FATE1: variants seen among roughly 807,000 people sequenced by gnomAD.
FATE1 encodes fetal and adult testis expressed 1.
In FATE1, 18 loss-of-function variants were observed where a neutral mutation model predicts 16.0. The observed-to-expected ratio is 1.12, with a 90% CI of 0.78 to 1.66. The LOEUF (loss-of-function observed/expected upper bound fraction) is 1.66. Among genes scored for constraint, FATE1 ranks in the 40% most tolerant of loss-of-function variants. The pLI, the probability that FATE1 is intolerant of heterozygous loss-of-function variation, is 0.00. For missense variants in FATE1, 169 were observed against 152.7 expected (o/e 1.11, Z -0.56); for synonymous variants, 76 against 56.9 (o/e 1.34, Z -1.51).
chrX:151,722,543 C>G, intron 4 of FATE1, 85 bp from the exon 5 acceptor site: 1 of 1,182,182 alleles, frequency 8.5e-7, no homozygotes, highest in Non-Finnish European at 1.1e-6. Context: ...CCTTCTTGCT[C>G]TAACTTTATG....
chrX:151,717,817 G>A (rs1407655773), intron 2 of FATE1, among the ~76,000 whole-genome samples: 1 of 111,406 alleles, frequency 9.0e-6, no homozygotes, highest in Non-Finnish European at 1.9e-5. Flanking sequence ...CTGGCATGGT[G>A]GCTCATGCCT....
Position 151,721,467 on chromosome X carries a change from G to A in FATE1, c.307G>A (p.Gly103Ser), listed in dbSNP as rs2015115299. The change falls in exon 3 of 5, where the codon GGC becomes AGC. Residue 103 changes from glycine to serine, a missense_variant. Gly to Ser is a moderately conservative substitution (Grantham distance 56). Coordinates refer to ENST00000370350, the MANE Select transcript of FATE1 (RefSeq NM_033085.3). ...GGATGCCCATCTCCAGGAGTACGCT[G>A]GCAATTTCCAAGGCATACGTTTCCA... ...HGDAHLQEYAGNFQGIRFHYD... is the reference protein window; with the variant it reads ...HGDAHLQEYASNFQGIRFHYD... 1 of 1,211,963 alleles carries A rather than the reference G, an allele frequency of 8.3e-7. No individual in the cohort carries two copies. Among genetic ancestry groups the A allele is most frequent in the East Asian group, 3.0e-5 (1 of 33,829 alleles).
rs1332178410 is a variant in FATE1, at chrX:151,721,998, T to C, written c.420+17T>C. ...AGAAGACAGGTGAGGAGGGACCCAA[T>C]CGGTGGGTGCAAGCAGAATCACAGT... On this transcript the variant is annotated intron_variant, in intron 4 of 4. Transcript: ENST00000370350. The C allele has an allele frequency of 1.7e-6, 2 of 1,194,643 alleles. No individual in the cohort carries two copies. The highest frequency in any genetic ancestry group is 2.3e-6 in the Non-Finnish European group (2 of 881,595).
At chrX:151,718,237 A>AAGAG (rs1184948675) in intron 2 of FATE1, among the ~76,000 whole-genome samples, 102 of 110,620 alleles carry the variant, frequency 9.2e-4, no homozygotes, top group African/African-American at 2.9e-3. Flanking sequence ...GAAAGAAAGA[A>AAGAG]AGAGAGAAAG....
At chrX:151,720,587 T>G (rs1191350505) in intron 2 of FATE1, among the ~76,000 whole-genome samples, 1 of 112,001 alleles carries the variant, frequency 8.9e-6, no homozygotes, top group African/African-American at 3.2e-5. Flanking sequence ...TGTTTCAGTT[T>G]CCCCTACTTT....
At chrX:151,718,875 G>A (rs2015090179) in intron 2 of FATE1, among the ~76,000 whole-genome samples, 1 of 112,286 alleles carries the variant, frequency 8.9e-6, no homozygotes, top group African/African-American at 3.2e-5. Context: ...GAGGGAGGGA[G>A]ACTCGATTGC....
At chrX:151,717,104 C>T (rs3810714) in intron 1 of FATE1, among the ~76,000 whole-genome samples, 168 bp from the exon 2 acceptor site, 11,968 of 110,980 alleles carry the variant, frequency 0.11, 517 homozygotes, top group Middle Eastern at 0.2. Flanking sequence ...AACTTTTGAA[C>T]AGATGAACAA....
chrX:151,717,356 C>T lies in FATE1; in HGVS notation c.191C>T (p.Ala64Val). ...LEQKAAGSAS[A>V]KRVWNMTATR... is the part of the protein sequence containing the mutation. ...CAAAAAGCTGCTGGCTCTGCTTCAG[C>T]CAAACGAGTTTGGAATATGACTGCC... Residue 64 changes from alanine to valine, a missense_variant, in exon 2 of 5, where the codon GCC becomes GTC. Coordinates refer to ENST00000370350, the MANE Select transcript of FATE1 (RefSeq NM_033085.3). The T allele has an allele frequency of 8.3e-7, 1 of 1,207,433 alleles. No individual in the cohort carries two copies. Among genetic ancestry groups the T allele is most frequent in the Non-Finnish European group, 1.1e-6 (1 of 892,963 alleles).
In FATE1 at chrX:151,716,043, T is replaced by C. The variant is rs185334505; in HGVS notation, c.-77T>C. On this transcript the variant is annotated 5_prime_UTR_variant, in exon 1 of 5. Transcript: ENST00000370350. The stretch of plus-strand genomic sequence containing the variant: ...GAGCTCCTGTTTCCGGAAGAGGTGA[T>C]TTTCTGAGTGTGACTCCTCTGTTCC... 1.1e-4 allele frequency: 97 copies of C among 894,369 alleles called. No homozygotes were observed. The highest frequency in any genetic ancestry group is 6.4e-5 in the Non-Finnish European group (41 of 642,497). The allele number at this position is 894,369 out of a possible 1,213,427, so 73.7% of individuals were successfully genotyped here.
chrX:151,721,308 T>C (rs779034401), intron 2 of FATE1, 87 bp from the exon 3 acceptor site: 5 of 783,261 alleles, frequency 6.4e-6, no homozygotes, highest in Admixed American at 2.4e-5. Context: ...TGATTCCCCA[T>C]GGGGTGCACC....
At chrX:151,716,846 T>C in intron 1 of FATE1, among the ~76,000 whole-genome samples, 1 of 111,399 alleles carries the variant, frequency 9.0e-6, no homozygotes, top group East Asian at 2.9e-4. Context: ...TCAATTGCTG[T>C]CTCCTACTTT....
chrX:151,721,999 C>A lies in FATE1; in HGVS notation c.420+18C>A. The A allele has an allele frequency of 1.7e-6, 2 of 1,194,194 alleles. No homozygotes were observed. The highest frequency in any genetic ancestry group is 2.3e-6 in the Non-Finnish European group (2 of 880,871). On this transcript the variant is annotated intron_variant, in intron 4 of 4. Transcript: ENST00000370350. ...GAAGACAGGTGAGGAGGGACCCAAT[C>A]GGTGGGTGCAAGCAGAATCACAGTG...
chrX:151,722,515 C>T, intron 4 of FATE1, 113 bp from the exon 5 acceptor site: 4 of 1,112,246 alleles, frequency 3.6e-6, no homozygotes, highest in Non-Finnish European at 4.9e-6. Context: ...CGCTCCACCG[C>T]CAAAGGGCAA....
intron 2 of FATE1, among the ~76,000 whole-genome samples, 157 bp downstream of exon 2, chrX:151,717,556 C>A (rs2015072382): frequency 9.0e-6 from 1 of 111,656 alleles, no homozygotes; most frequent in Non-Finnish European, 1.9e-5. Context: ...ACAGGAAGTT[C>A]CAATTAAAGG....
In FATE1 at chrX:151,717,277, A is replaced by G; in HGVS notation, c.112A>G (p.Met38Val). ...NQEHLVIAEMMELGSRSRGAS... is the reference protein window; with the variant it reads ...NQEHLVIAEMVELGSRSRGAS... ...GCTTCTGTTCTTCTCTCTAGAAATG[A>G]TGGAGCTTGGATCTCGGTCCCGGGG... The change falls in exon 2 of 5, where the codon ATG becomes GTG. Residue 38 changes from methionine to valine, a missense_variant. Coordinates refer to ENST00000370350, the MANE Select transcript of FATE1 (RefSeq NM_033085.3). 8.3e-7 allele frequency: 1 copy of G among 1,205,453 alleles called. No individual in the cohort carries two copies. Among genetic ancestry groups the G allele is most frequent in the Non-Finnish European group, 1.1e-6 (1 of 891,375 alleles).
intron 2 of FATE1, among the ~76,000 whole-genome samples, chrX:151,721,192 G>A (rs1051641232): frequency 1.8e-5 from 2 of 112,405 alleles, no homozygotes; most frequent in Non-Finnish European, 3.8e-5. Context: ...GAGCTACCGA[G>A]GAGCATGGTG....
At chrX:151,722,340 C>A (rs1348307538) in intron 4 of FATE1, among the ~76,000 whole-genome samples, 1 of 112,320 alleles carries the variant, frequency 8.9e-6, no homozygotes, top group Non-Finnish European at 1.9e-5. Context: ...AGGAGGAGAT[C>A]CTTTCTTCCT....
Position 151,722,610 on chromosome X carries a change from C to T in FATE1, c.421-18C>T, listed in dbSNP as rs772207936. On this transcript the variant is annotated intron_variant, in intron 4 of 4. Transcript: ENST00000370350. ...AGAAGAGCCTCGCTCAGCAGCCCTG[C>T]CTTTGACTCCTCTGCAGCTGTATGC... The T allele has an allele frequency of 8.3e-7, 1 of 1,211,064 alleles. No homozygotes were observed. Among genetic ancestry groups the T allele is most frequent in the African/African-American group, 1.7e-5 (1 of 57,644 alleles).
chrX:151,722,569 T>C, intron 4 of FATE1, 59 bp from the exon 5 acceptor site: 2 of 1,205,041 alleles, frequency 1.7e-6, no homozygotes, highest in Non-Finnish European at 2.2e-6. Flanking sequence ...CCCATGGCTG[T>C]GCTGTGGGCT....
Sources: gnomAD v4.1 joint callset for allele counts (sites outside exome capture counted in the v4.1 genomes callset) on GRCh38, gnomAD v4.1.1 for gene constraint, MANE v1.5 for transcripts, NCBI Gene and HGNC (gene_info 2026-07-23, HGNC 2026-07-21) for gene names.